LRRC9: variants seen among roughly 807,000 people sequenced by gnomAD.
The protein encoded by LRRC9 is leucine-rich repeat-containing protein 9.
LRRC9 carries 122 observed loss-of-function variants against 63.2 expected under a neutral mutation model. The observed-to-expected ratio is 1.93, with a 90% CI of 1.67 to 2.24. The LOEUF (loss-of-function observed/expected upper bound fraction) is 2.24, where lower values mean the gene tolerates loss of function less well. LRRC9 is among the 30% of genes most tolerant of loss of function. LRRC9 has a pLI of 0.00. For synonymous variants in LRRC9, 366 were observed against 213.1 expected (o/e 1.72, Z -6.25); for missense variants, 1,071 against 627.7 (o/e 1.71, Z -7.55).
At chr14:60,062,507 C>T (rs922170535) in intron 31 of LRRC9, among the ~76,000 whole-genome samples, 6 of 152,176 alleles carry the variant, frequency 3.9e-5, no homozygotes, top group African/African-American at 1.4e-4. Flanking sequence ...TACCAACTCA[C>T]TCTACTCACT....
chr14:59,983,185 G>T (rs1410661384), intron 16 of LRRC9, among the ~76,000 whole-genome samples: 71 of 152,186 alleles, frequency 4.7e-4, no homozygotes, highest in Non-Finnish European at 1.5e-5. Flanking sequence ...ACTCTAGAAG[G>T]CAAAATTCAC....
At chr14:59,959,742 C>T (rs1022103751) in intron 8 of LRRC9, 76 bp from the exon 9 acceptor site, 10 of 497,708 alleles carry the variant, frequency 2.0e-5, no homozygotes, top group African/African-American at 1.9e-4. Context: ...CCCATTAAAA[C>T]TTAACATCTG....
At chr14:60,032,704 A>T (rs888951085) in intron 29 of LRRC9, among the ~76,000 whole-genome samples, 2 of 152,210 alleles carry the variant, frequency 1.3e-5, no homozygotes, top group African/African-American at 4.8e-5. Flanking sequence ...GGAGCATGTT[A>T]TCAGATCTCA....
rs1445065413 is a variant in LRRC9, at chr14:59,967,215, T to C, written c.1506+2T>C. ...TTCAAAGACAGTGAAACAAGCAAGG[T>C]AGCATAAAATGTCATTTAGAATAAT... is the stretch of plus-strand genomic sequence containing the variant. On this transcript the variant is annotated splice_donor_variant, in intron 12 of 31. Coordinates refer to ENST00000445360, the Ensembl canonical transcript of LRRC9. LOFTEE classifies it high-confidence loss of function. 3 of 594,208 alleles carry C rather than the reference T, an allele frequency of 5.0e-6. No homozygotes were observed. The highest frequency in any genetic ancestry group is 2.8e-5 in the East Asian group (1 of 35,756). The allele number at this position is 594,208 out of a possible 1,614,324, so 36.8% of individuals were successfully genotyped here. A position where few individuals can be genotyped will look rare whatever the true frequency, so the allele number is the denominator to read the frequency against.
At chr14:59,949,025 A>C (rs1297274341) in intron 8 of LRRC9, among the ~76,000 whole-genome samples, 46 of 104,470 alleles carry the variant, frequency 4.4e-4, no homozygotes, top group Non-Finnish European at 7.7e-5. Context: ...TGGCCTCATA[A>C]AATGAGTTAG....
intron 29 of LRRC9, among the ~76,000 whole-genome samples, chr14:60,046,957 T>G (rs1893484999): frequency 6.6e-6 from 1 of 152,206 alleles, no homozygotes; most frequent in South Asian, 2.1e-4. Flanking sequence ...GTAGTTCTCC[T>G]TGAAGAGGTC....
At chr14:59,998,000 T>C (rs958728428) in intron 18 of LRRC9, among the ~76,000 whole-genome samples, 153 bp downstream of exon 18, 4 of 152,130 alleles carry the variant, frequency 2.6e-5, no homozygotes, top group African/African-American at 9.6e-5. Context: ...TTGGATTTAA[T>C]GTACTGATCA....
At position 59,922,255 on chromosome 14, in the gene LRRC9, A is replaced by G. The variant is rs1888849706; in HGVS notation, c.-34+2372A>G. Among the ~76,000 whole-genome samples, 1 of 152,180 alleles carries G rather than the reference A, an allele frequency of 6.6e-6. No individual in the cohort carries two copies. The highest frequency in any genetic ancestry group is 1.5e-5 in the Non-Finnish European group (1 of 68,040). On this transcript the variant is annotated intron_variant, in intron 1 of 31. Transcript: ENST00000445360. The surrounding 1 kb of genome is among the most constrained non-coding windows in gnomAD (Gnocchi z 5.3). ...ATGCCATGTCAAGGTCAAGTTGAGA[A>G]TCAAAACATGTCCGCTGTCTTTGGC... is the stretch of plus-strand genomic sequence containing the variant.
At chr14:60,041,109 A>G (rs986605343) in intron 29 of LRRC9, among the ~76,000 whole-genome samples, 1 of 151,876 alleles carries the variant, frequency 6.6e-6, no homozygotes, top group Non-Finnish European at 1.5e-5. Context: ...TGGCTCGTAC[A>G]GTTTCTGCTG....
chr14:60,050,674 T>A (rs1335358460), intron 29 of LRRC9, among the ~76,000 whole-genome samples: 1 of 152,182 alleles, frequency 6.6e-6, no homozygotes, highest in Non-Finnish European at 1.5e-5. Context: ...GTTTTCAATG[T>A]TTTTGCATTG....
chr14:60,027,471 A>G lies in LRRC9; in HGVS notation c.3704-413A>G, dbSNP rs998524040. On this transcript the variant is annotated intron_variant, in intron 27 of 31. Transcript: ENST00000445360. The surrounding 1 kb of genome is among the most constrained non-coding windows in gnomAD (Gnocchi z 4.0). ...TTAATGTGTATTCTTCTAACATAATACAACAAATTAGTCTATTTTAAGAAA... is the reference window on the plus strand; with the variant it reads ...TTAATGTGTATTCTTCTAACATAATGCAACAAATTAGTCTATTTTAAGAAA... Among the ~76,000 whole-genome samples the G allele has an allele frequency of 1.3e-5, 2 of 152,124 alleles. No individual in the cohort carries two copies. The highest frequency in any genetic ancestry group is 2.9e-5 in the Non-Finnish European group (2 of 67,994).
chr14:60,004,947 C>T lies in LRRC9; in HGVS notation c.2842+1149C>T, dbSNP rs1409551806. On this transcript the variant is annotated intron_variant, in intron 21 of 31. Coordinates refer to ENST00000445360, the Ensembl canonical transcript of LRRC9. The surrounding 1 kb of genome is among the most constrained non-coding windows in gnomAD (Gnocchi z 4.8). ...TATTTCTGTATGTGCATTTTGGTAA[C>T]ATGGTTGTGTTTGTCAAGGAGGGAA... is the stretch of plus-strand genomic sequence containing the variant. Among the ~76,000 whole-genome samples the T allele has an allele frequency of 6.6e-6, 1 of 151,854 alleles. No individual in the cohort carries two copies. Among genetic ancestry groups the T allele is most frequent in the Non-Finnish European group, 1.5e-5 (1 of 67,896 alleles).
At position 60,053,004 on chromosome 14, in the gene LRRC9, C is replaced by T. The variant is rs933183345; in HGVS notation, c.3991-61C>T. ...CCTATGCTAAATTTCCTTCTCTATA[C>T]AGGTTAATCTTTGAAATAAAAGTTT... On this transcript the variant is annotated intron_variant, in intron 29 of 31. Coordinates refer to ENST00000445360, the Ensembl canonical transcript of LRRC9. This position sits in a 1 kb window ranked among gnomAD's most constrained non-coding sequence, Gnocchi z 4.8. 1.5e-6 allele frequency: 1 copy of T among 655,232 alleles called. No homozygotes were observed. The highest frequency in any genetic ancestry group is 2.8e-6 in the Non-Finnish European group (1 of 360,536). 40.6% of individuals were successfully genotyped at this position (655,232 alleles called of 1,614,324 possible).
At chr14:60,064,728 T>C (rs556623890), downstream of LRRC9, among the ~76,000 whole-genome samples, 22 of 152,318 alleles carry the variant, frequency 1.4e-4, no homozygotes, top group African/African-American at 5.3e-4. Flanking sequence ...ACTGCTTTCA[T>C]TATAGTGTTG....
intron 17 of LRRC9, among the ~76,000 whole-genome samples, chr14:59,996,733 G>A (rs1184736948): frequency 2.0e-5 from 3 of 152,182 alleles, no homozygotes; most frequent in African/African-American, 7.2e-5. Flanking sequence ...GGAAGAAAAT[G>A]TTGGTACAAA....
chr14:60,055,681 C>T (rs949726313), intron 30 of LRRC9, among the ~76,000 whole-genome samples: 6 of 151,368 alleles, frequency 4.0e-5, no homozygotes, highest in African/African-American at 1.5e-4. Context: ...TCACTTGAGC[C>T]CACGAGTTGG....
At chr14:59,960,958 G>A in exon 10 of LRRC9, 1 of 693,626 alleles carries the variant, frequency 1.4e-6, no homozygotes, top group Non-Finnish European at 2.6e-6. Flanking sequence ...AAGAAGAAAA[G>A]TCATGGCTTA....
intron 29 of LRRC9, among the ~76,000 whole-genome samples, chr14:60,035,500 T>C (rs1258638899): frequency 6.6e-6 from 1 of 152,218 alleles, no homozygotes; most frequent in Non-Finnish European, 1.5e-5. Flanking sequence ...AAGTCTTCAA[T>C]CCATTTTTAT....
rs951158970 is a variant in LRRC9 at position 60,019,258 on chromosome 14, C to G, written c.3564C>G (p.Asn1188Lys). 1.3e-5 allele frequency: 9 copies of G among 689,566 alleles called. No homozygotes were observed. In the Admixed American group the frequency reaches 1.9e-4, roughly 15 times the overall value. 42.7% of individuals were successfully genotyped at this position (689,566 alleles called of 1,614,324 possible). Residue 1188 changes from asparagine (N) to lysine (K), a missense_variant and splice_region_variant, in exon 26 of 32, where the codon AAC (asparagine) becomes AAG (lysine). Coordinates refer to ENST00000445360, the Ensembl canonical transcript of LRRC9. ...GACAGCAAGGAATTTCAAAAACAAACAGGTAGTATTCTTTATTTTTATGAT... is the reference window on the plus strand; with the variant it reads ...GACAGCAAGGAATTTCAAAAACAAAGAGGTAGTATTCTTTATTTTTATGAT...
Sources: allele counts gnomAD v4.1 joint callset (sites outside exome capture counted in the v4.1 genomes callset), GRCh38; gene constraint gnomAD v4.1.1; non-coding constraint Gnocchi (gnomAD v3.1); transcripts MANE v1.5; gene names NCBI Gene and HGNC (gene_info 2026-07-23, HGNC 2026-07-21).